The following ATG14 variants were observed in gnomAD, a reference collection of about 807,000 sequenced individuals.
ATG14 encodes beclin 1-associated autophagy-related key regulator.
Under a neutral mutation model 60.4 loss-of-function variants are expected in ATG14, and 35 were observed. The observed-to-expected ratio is 0.58, with a 90% CI of 0.44 to 0.77. The LOEUF (loss-of-function observed/expected upper bound fraction) is 0.77. Among genes scored for constraint, ATG14 ranks in the 30% least tolerant of loss-of-function variants. The pLI, the probability that ATG14 is intolerant of heterozygous loss-of-function variation, is 0.00. For missense variants in ATG14, 647 were observed against 626.3 expected (o/e 1.03, Z -0.35); for synonymous variants, 234 against 228.8 (o/e 1.02, Z -0.21).
chr14:55,373,882 C>T (rs1420619432), intron 9 of ATG14, among the ~76,000 whole-genome samples: 2 of 151,994 alleles, frequency 1.3e-5, no homozygotes, highest in Non-Finnish European at 1.5e-5. Flanking sequence ...GGAAATCCCA[C>T]CCAGGTTCCA....
chr14:55,396,979 A>T (rs1885323805), intron 2 of ATG14, among the ~76,000 whole-genome samples: 1 of 152,220 alleles, frequency 6.6e-6, no homozygotes, highest in African/African-American at 2.4e-5. Context: ...TGATACAGGT[A>T]ATGTGCAGAC....
intron 7 of ATG14, 31 bp from the exon 8 acceptor site, chr14:55,378,105 G>A (rs1884955536): frequency 1.3e-6 from 2 of 1,586,644 alleles, no homozygotes; most frequent in South Asian, 1.1e-5. Context: ...TTATAAAGTT[G>A]CATTTTTTGA....
At position 55,411,606 on chromosome 14, in the gene ATG14, C is replaced by T; in HGVS notation, c.217G>A (p.Glu73Lys). The change falls in exon 1 of 10, where the codon GAG becomes AAG. Residue 73 changes from glutamate (E) to lysine (K), a missense_variant. Coordinates refer to ENST00000247178, the MANE Select transcript of ATG14 (RefSeq NM_014924.5). ...DFVYFDGRDRERFIDKKERLS... is the reference protein window; with the variant it reads ...DFVYFDGRDRKRFIDKKERLS... The stretch of plus-strand genomic sequence containing the variant: ...GGGCCGTGGCGGCCGCCGTACCTCT[C>T]CCGGTCGCGGCCGTCGAAGTAGACG... The T allele has an allele frequency of 6.2e-7, 1 of 1,607,720 alleles. No individual in the cohort carries two copies.
chr14:55,388,557 C>A (rs1885162820), intron 4 of ATG14, among the ~76,000 whole-genome samples: 1 of 152,216 alleles, frequency 6.6e-6, no homozygotes, highest in African/African-American at 2.4e-5. Flanking sequence ...ACTTCCCTAT[C>A]TATGCCCTAT....
chr14:55,411,029 C>G (rs551935062), intron 1 of ATG14, among the ~76,000 whole-genome samples: 1 of 152,260 alleles, frequency 6.6e-6, no homozygotes, highest in Admixed American at 6.5e-5. Flanking sequence ...AACACGTTCC[C>G]AAATTCCTAA....
At position 55,369,862 on chromosome 14, in the gene ATG14, A is replaced by T; in HGVS notation, c.1236T>A (p.Val412=). The change falls in exon 10 of 10, where the codon GTT becomes GTA. Residue 412 remains valine, a synonymous_variant. Transcript: ENST00000247178. The part of the protein sequence containing the change: ...EESMEFVDPG[V]AGESDESGDE... ...CTCCGCTCTCATCTGATTCTCCAGCAACTCCGGGATCCACAAATTCCATGG... is the reference window on the plus strand; with the variant it reads ...CTCCGCTCTCATCTGATTCTCCAGCTACTCCGGGATCCACAAATTCCATGG... 6.2e-7 allele frequency: 1 copy of T among 1,614,160 alleles called. No homozygotes were observed. The highest frequency in any genetic ancestry group is 2.2e-5 in the East Asian group (1 of 44,880).
At chr14:55,392,173 G>A (rs778378134) in intron 3 of ATG14, among the ~76,000 whole-genome samples, 21 of 152,146 alleles carry the variant, frequency 1.4e-4, no homozygotes, top group Non-Finnish European at 2.2e-4. Flanking sequence ...AATAGAGTTC[G>A]CACTCCTATG....
intron 1 of ATG14, among the ~76,000 whole-genome samples, chr14:55,405,057 A>C (rs1885467508): frequency 6.6e-6 from 1 of 152,234 alleles, no homozygotes; most frequent in Admixed American, 6.5e-5. Flanking sequence ...TTTCTGGTGG[A>C]AATACCATAA....
chr14:55,402,305 A>G (rs1885411777), intron 1 of ATG14, among the ~76,000 whole-genome samples: 1 of 152,220 alleles, frequency 6.6e-6, no homozygotes, highest in African/African-American at 2.4e-5. Flanking sequence ...TGGCAATGAA[A>G]AGTCTCAGAA....
chr14:55,411,538 C>A, intron 1 of ATG14, 64 bp downstream of exon 1: 3 of 1,505,462 alleles, frequency 2.0e-6, no homozygotes, highest in Non-Finnish European at 2.7e-6. Context: ...AGGTTCCAGC[C>A]TTCGGCTGCC....
chr14:55,374,631 T>C (rs1214625157), intron 9 of ATG14, among the ~76,000 whole-genome samples: 2 of 152,216 alleles, frequency 1.3e-5, no homozygotes, highest in African/African-American at 2.4e-5. Flanking sequence ...TAAAACACTG[T>C]CCTTTTGCTT....
rs140211573 is a variant in ATG14 at position 55,384,162 on chromosome 14, T to C, written c.647+1697A>G. Among the ~76,000 whole-genome samples, 50 of 152,350 alleles carry C rather than the reference T, an allele frequency of 3.3e-4. No homozygotes were observed. In the East Asian group the frequency reaches 9.1e-3, roughly 28 times the overall value. On this transcript the variant is annotated intron_variant, in intron 5 of 9. Transcript: ENST00000247178. ...GAAGGGTAACTTTAAAACCACCAGCTTCTTTTTAAAAAATTAATGGCATAT... is the reference window on the plus strand; with the variant it reads ...GAAGGGTAACTTTAAAACCACCAGCCTCTTTTTAAAAAATTAATGGCATAT...
intron 1 of ATG14, among the ~76,000 whole-genome samples, chr14:55,401,443 C>A (rs1885397120): frequency 6.6e-6 from 1 of 151,996 alleles, no homozygotes; most frequent in Non-Finnish European, 1.5e-5. Context: ...GTGCTGTTTT[C>A]TGAAAGAAAT....
rs940975997 is a variant in ATG14 at position 55,369,560 on chromosome 14, G to C, written c.*59C>G. 11 of 1,364,146 alleles carry C rather than the reference G, an allele frequency of 8.1e-6. No homozygotes were observed. In the African/African-American group the frequency reaches 1.3e-4, roughly 16 times the overall value. The allele number at this position is 1,364,146 out of a possible 1,614,324, so 84.5% of individuals were successfully genotyped here. ...TAACTTAAACAGAAAATGTTTACTA[G>C]AGTGTAGTGGGAGAAGAACTTTCTT... On this transcript the variant is annotated 3_prime_UTR_variant, in exon 10 of 10. Coordinates refer to ENST00000247178, the MANE Select transcript of ATG14 (RefSeq NM_014924.5).
intron 4 of ATG14, among the ~76,000 whole-genome samples, chr14:55,388,154 C>T (rs999411090): frequency 6.6e-6 from 1 of 152,142 alleles, no homozygotes; most frequent in African/African-American, 2.4e-5. Flanking sequence ...ACAACAACAA[C>T]ATCTCTTTGC....
In ATG14 at chr14:55,381,948, A is replaced by G; in HGVS notation, c.877+14T>C. ...TCTCTATATATAGATTTCAAAGGAT[A>G]TGCTGCTTCTCACCAGGCCCCTGGG... On this transcript the variant is annotated intron_variant, in intron 6 of 9. Coordinates refer to ENST00000247178, the MANE Select transcript of ATG14 (RefSeq NM_014924.5). The G allele has an allele frequency of 6.3e-7, 1 of 1,598,370 alleles. No individual in the cohort carries two copies. The highest frequency in any genetic ancestry group is 1.1e-5 in the South Asian group (1 of 90,748).
At chr14:55,386,627 G>A (rs561539484) in intron 4 of ATG14, among the ~76,000 whole-genome samples, 3 of 152,310 alleles carry the variant, frequency 2.0e-5, no homozygotes, top group African/African-American at 7.2e-5. Flanking sequence ...AACCAGCAGG[G>A]TGGGTGGGAA....
chr14:55,384,461 ATC>A (rs1885089570), intron 5 of ATG14, among the ~76,000 whole-genome samples: 1 of 152,234 alleles, frequency 6.6e-6, no homozygotes, highest in South Asian at 2.1e-4. Context: ...TCCTGCTAAT[ATC>A]TCTTTTGGGG....
At chr14:55,391,192 T>C in intron 3 of ATG14, 200 bp from the exon 4 acceptor site, 1 of 460,080 alleles carries the variant, frequency 2.2e-6, no homozygotes, top group South Asian at 2.4e-5. Flanking sequence ...AAAAGAGAAA[T>C]TAGGCCAGTG....
Sources: gnomAD v4.1 joint callset for allele counts (sites outside exome capture counted in the v4.1 genomes callset) on GRCh38, gnomAD v4.1.1 for gene constraint, MANE v1.5 for transcripts, NCBI Gene and HGNC (gene_info 2026-07-23, HGNC 2026-07-21) for gene names.